The following LPA variants were observed in gnomAD, a reference collection of about 807,000 sequenced individuals.
LPA encodes the protein lipoprotein(a), also known as apolipoprotein(a).
In LPA, 199 loss-of-function variants were observed where a neutral mutation model predicts 197.9. The observed-to-expected ratio is 1.01, with a 90% CI of 0.90 to 1.13. LPA has a LOEUF of 1.13. Ranked by LOEUF, LPA falls within the 50% of genes most tolerant of loss-of-function variation. The probability of loss-of-function intolerance (pLI) is 0.00; values close to 1 mark genes in which losing one functional copy is unlikely to be tolerated. For synonymous variants in LPA, 715 were observed against 639.5 expected (o/e 1.12, Z -1.78); for missense variants, 1,853 against 1,785.8 (o/e 1.04, Z -0.68).
chr6:160,595,560 T>A lies in LPA; in HGVS notation c.3288-25A>T, dbSNP rs1342025269. 2.5e-6 allele frequency: 4 copies of A among 1,613,804 alleles called. No individual in the cohort carries two copies. The Admixed American group carries it at 6.7e-5, about 27-fold the overall frequency. The stretch of plus-strand genomic sequence containing the variant: ...ACTGCAAATTTCAAAACAACACAGG[T>A]CACCAGAGATGGGAGAAGATTCAAG... On this transcript the variant is annotated intron_variant, in intron 20 of 38. Coordinates refer to ENST00000316300, the MANE Select transcript of LPA (RefSeq NM_005577.4).
At chr6:160,588,837 T>C (rs1778967272) in intron 24 of LPA, among the ~76,000 whole-genome samples, 2 of 152,196 alleles carry the variant, frequency 1.3e-5, no homozygotes, top group Admixed American at 6.5e-5. Context: ...TGATCTCCTT[T>C]GATTCCCTTT....
chr6:160,585,045 C>T lies in LPA; in HGVS notation c.4289+1G>A, dbSNP rs41272114. ...TTTTATGGCTAACATGATAGACATA[C>T]GCATTTGGATAGTATAATGGGATCC... On this transcript the variant is annotated splice_donor_variant, in intron 26 of 38. Transcript: ENST00000316300. LOFTEE classifies it high-confidence loss of function. 0.036 allele frequency: 58,172 copies of T among 1,613,234 alleles called. 1,290 individuals are homozygous for T. Among genetic ancestry groups the T allele is most frequent in the Admixed American group, 0.088 (5,263 of 59,972 alleles).
chr6:160,540,508 A>G (rs188908436), intron 35 of LPA, among the ~76,000 whole-genome samples: 1 of 152,310 alleles, frequency 6.6e-6, no homozygotes, highest in African/African-American at 2.4e-5. Context: ...CTTGGGCCAC[A>G]TCTTCATGGT....
intron 7 of LPA, among the ~76,000 whole-genome samples, chr6:160,634,519 T>A (rs1779761862): frequency 7.1e-6 from 1 of 140,070 alleles, no homozygotes; most frequent in Non-Finnish European, 1.5e-5. Context: ...AGAAGTCTAC[T>A]AACCTTTCTC....
At chr6:160,587,095 A>G (rs1213762412) in intron 24 of LPA, among the ~76,000 whole-genome samples, 2 of 152,198 alleles carry the variant, frequency 1.3e-5, no homozygotes, top group African/African-American at 2.4e-5. Flanking sequence ...ATCCATCCAC[A>G]TGATCTACAT....
chr6:160,554,181 T>C (rs547368868), intron 30 of LPA, among the ~76,000 whole-genome samples: 52 of 152,330 alleles, frequency 3.4e-4, no homozygotes, highest in Non-Finnish European at 6.5e-4. Context: ...GTTCATGTTT[T>C]CTTTAAATCT....
chr6:160,546,227 G>A (rs907195958), intron 32 of LPA, among the ~76,000 whole-genome samples: 3 of 152,150 alleles, frequency 2.0e-5, no homozygotes, highest in African/African-American at 7.2e-5. Flanking sequence ...AAGAGGGGCC[G>A]AAGGTGAGCC....
At chr6:160,586,689 G>T (rs916211499) in intron 24 of LPA, 59 bp from the exon 25 acceptor site, 2 of 1,609,352 alleles carry the variant, frequency 1.2e-6, no homozygotes, top group African/African-American at 1.3e-5. Context: ...GCACCACCTG[G>T]CACCCTCTAT....
chr6:160,652,825 T>C (rs1174138617), intron 1 of LPA, among the ~76,000 whole-genome samples: 1 of 152,102 alleles, frequency 6.6e-6, no homozygotes, highest in African/African-American at 2.4e-5. Context: ...ATATCCAGTA[T>C]AATTCTGTCA....
At chr6:160,556,316 T>C in intron 29 of LPA, 132 bp from the exon 30 acceptor site, 1 of 773,244 alleles carries the variant, frequency 1.3e-6, no homozygotes, top group Non-Finnish European at 2.3e-6. Context: ...CAGAAGGACA[T>C]GCTGAAGCAA....
Position 160,594,058 on chromosome 6 carries a change from G to A in LPA, c.3529C>T (p.Arg1177Ter), listed in dbSNP as rs1353704684. The change falls in exon 22 of 39, where the codon CGA becomes TGA. Residue 1177 changes from arginine to a stop codon, truncating the protein, a stop_gained. Transcript: ENST00000316300. LOFTEE classifies it high-confidence loss of function. ...DCYHGDGQSY[R>*]GSFSTTVTGR... ...GTGACAGTGGTAGAGAATGAGCCTCGATAACTCTGTCCATCACCATGGTAG... is the reference window on the plus strand; with the variant it reads ...GTGACAGTGGTAGAGAATGAGCCTCAATAACTCTGTCCATCACCATGGTAG... 2.5e-6 allele frequency: 4 copies of A among 1,613,854 alleles called. No individual in the cohort carries two copies. The highest frequency in any genetic ancestry group is 2.2e-5 in the East Asian group (1 of 44,870).
intron 28 of LPA, among the ~76,000 whole-genome samples, chr6:160,574,701 G>T (rs1309103097): frequency 3.3e-5 from 5 of 152,192 alleles, no homozygotes; most frequent in Admixed American, 3.3e-4. Context: ...GTGTGTTTGA[G>T]GGAGTAAGGC....
intron 1 of LPA, among the ~76,000 whole-genome samples, chr6:160,654,676 CAA>C (rs1780101086): frequency 6.6e-6 from 1 of 152,024 alleles, no homozygotes; most frequent in African/African-American, 2.4e-5. Flanking sequence ...ATAAGGTTAA[CAA>C]TATTTAAATG....
At chr6:160,590,835 C>T (rs1200667311) in intron 23 of LPA, 109 bp downstream of exon 23, 1 of 1,451,860 alleles carries the variant, frequency 6.9e-7, no homozygotes, top group Non-Finnish European at 9.6e-7. Context: ...GACCCTGAGT[C>T]CACATTCAGA....
At chr6:160,576,393 T>TATATATATAC (rs1778672385) in intron 28 of LPA, among the ~76,000 whole-genome samples, 2 of 27,268 alleles carry the variant, frequency 7.3e-5, no homozygotes, top group Non-Finnish European at 1.2e-4. Flanking sequence ...TATATATGTA[T>TATATATATAC]ATATATATAT....
chr6:160,561,152 A>C (rs1380535121), intron 28 of LPA, among the ~76,000 whole-genome samples: 1 of 152,116 alleles, frequency 6.6e-6, no homozygotes, highest in Non-Finnish European at 1.5e-5. Context: ...CTCGTGATCC[A>C]TCCACCTCGG....
At chr6:160,606,344 T>G (rs1779350441) in intron 17 of LPA, 133 bp downstream of exon 17, 14 of 1,340,354 alleles carry the variant, frequency 1.0e-5, no homozygotes, top group Non-Finnish European at 1.2e-5. Context: ...CACGGAGGCT[T>G]CCTCCTACAT....
intron 1 of LPA, among the ~76,000 whole-genome samples, chr6:160,663,201 C>G (rs929737704): frequency 6.6e-6 from 1 of 152,222 alleles, no homozygotes; most frequent in Non-Finnish European, 1.5e-5. Context: ...AGACTTCTCT[C>G]TTCTTAATTG....
intron 30 of LPA, among the ~76,000 whole-genome samples, chr6:160,553,244 A>G (rs1312723116): frequency 6.6e-6 from 1 of 152,156 alleles, no homozygotes; most frequent in Non-Finnish European, 1.5e-5. Flanking sequence ...AGAGTATTTT[A>G]TATTGACATT....
Sources: gnomAD v4.1 joint callset for allele counts (sites outside exome capture counted in the v4.1 genomes callset) on GRCh38, gnomAD v4.1.1 for gene constraint, MANE v1.5 for transcripts, NCBI Gene and HGNC (gene_info 2026-07-23, HGNC 2026-07-21) for gene names.